The following NRG1 variants were observed in gnomAD, a reference collection of about 807,000 sequenced individuals.
The protein encoded by NRG1 is neuregulin 1.
A neutral mutation model predicts 63.8 loss-of-function variants in NRG1; 18 were observed. The ratio of observed to expected loss-of-function variants is 0.28; its 90% CI spans 0.19 to 0.42. NRG1 has a LOEUF of 0.42. Ranked by LOEUF, NRG1 falls within the 10% of genes least tolerant of loss-of-function variation. The pLI, the probability that NRG1 is intolerant of heterozygous loss-of-function variation, is 1.00. For missense variants in NRG1, 762 were observed against 814.7 expected, an observed-to-expected ratio of 0.94 and a Z score of 0.79; for synonymous variants, 302 against 301.3, an observed-to-expected ratio of 1.00 and a Z score of -0.02.
In NRG1 at chr8:32,252,801, A is replaced by T. The variant is rs989056574; in HGVS notation, c.38-343027A>T. Among the ~76,000 whole-genome samples the T allele has an allele frequency of 5.3e-5, 8 of 152,324 alleles. No individual in the cohort carries two copies. The East Asian group carries it at 1.5e-3, about 29-fold the overall frequency. On this transcript the variant is annotated intron_variant, in intron 1 of 10. Coordinates refer to the NRG1 transcript ENST00000519301. ...TACTTTGGGCAGTATGGCCATTTTC[A>T]TGATATTGATTCTTCCTATCCATGA...
intron 1 of NRG1, among the ~76,000 whole-genome samples, chr8:31,840,351 T>TTTTTTC (rs747949551): frequency 1.9e-5 from 2 of 104,934 alleles, no homozygotes; most frequent in Non-Finnish European, 4.7e-5. Context: ...TTCTCTGTCT[T>TTTTTTC]TTTTTTTTTT....
intron 1 of NRG1, among the ~76,000 whole-genome samples, chr8:32,344,322 T>TTCTC (rs749046606): frequency 7.9e-6 from 1 of 125,924 alleles, no homozygotes; most frequent in Admixed American, 8.1e-5. Context: ...TTTTCCTTCT[T>TTCTC]TCTCTTTCTT....
At chr8:32,390,031 A>G (rs1811521150) in intron 1 of NRG1, among the ~76,000 whole-genome samples, 1 of 152,106 alleles carries the variant, frequency 6.6e-6, no homozygotes, top group Non-Finnish European at 1.5e-5. Context: ...AAGTGCTGGG[A>G]TTACAGGCGT....
chr8:31,951,921 T>C (rs1803529656), intron 1 of NRG1, among the ~76,000 whole-genome samples: 1 of 152,210 alleles, frequency 6.6e-6, no homozygotes, highest in African/African-American at 2.4e-5. Flanking sequence ...AAAATGCTCT[T>C]TCACTAAGAC....
chr8:32,587,093 C>G (rs1841748181), intron 1 of NRG1, among the ~76,000 whole-genome samples: 2 of 152,022 alleles, frequency 1.3e-5, no homozygotes, highest in Admixed American at 1.3e-4. Flanking sequence ...CCTGTGGTCC[C>G]AGCTATGTGA....
Position 31,862,077 on chromosome 8 carries a change from T to C in NRG1, c.37+222646T>C, listed in dbSNP as rs186803687. On this transcript the variant is annotated intron_variant, in intron 1 of 10. Coordinates refer to the NRG1 transcript ENST00000519301. ...CTTGGGTTTGGAATGTAAACAATCT[T>C]GAAATTGTATTTGGAGAGAAGGAAA... Among the ~76,000 whole-genome samples the C allele has an allele frequency of 1.8e-3, 268 of 152,318 alleles. 1 individual carries two copies. Among genetic ancestry groups the C allele is most frequent in the African/African-American group, 6.1e-3 (253 of 41,574 alleles).
chr8:32,590,433 ACCT>A (rs958303923), intron 1 of NRG1, among the ~76,000 whole-genome samples: 1 of 152,136 alleles, frequency 6.6e-6, no homozygotes, highest in African/African-American at 2.4e-5. Context: ...TTCTCGGAAC[ACCT>A]CCTGCATTTG....
intron 1 of NRG1, among the ~76,000 whole-genome samples, chr8:32,439,166 T>C (rs1336938853): frequency 6.6e-6 from 1 of 152,228 alleles, no homozygotes; most frequent in Non-Finnish European, 1.5e-5. Flanking sequence ...CATATAAGTT[T>C]AAAAATCACA....
intron 1 of NRG1, among the ~76,000 whole-genome samples, chr8:31,939,486 TATA>T (rs1271646786): frequency 2.6e-5 from 4 of 151,234 alleles, no homozygotes; most frequent in Non-Finnish European, 5.9e-5. Flanking sequence ...ACAGTACCTA[TATA>T]ATAATAACAC....
intron 1 of NRG1, among the ~76,000 whole-genome samples, chr8:31,981,820 A>G (rs183460295): frequency 1.7e-4 from 26 of 152,080 alleles, no homozygotes; most frequent in Admixed American, 7.2e-4. Context: ...TTTAAATAAG[A>G]GCTTACAAAA....
chr8:32,544,268 T>C (rs1832847302), upstream of NRG1, among the ~76,000 whole-genome samples: 1 of 152,160 alleles, frequency 6.6e-6, no homozygotes, highest in African/African-American at 2.4e-5. Context: ...AATTTCTTAT[T>C]ACCTAAATTT....
intron 1 of NRG1, among the ~76,000 whole-genome samples, chr8:32,522,046 GC>G: frequency 6.6e-6 from 1 of 152,302 alleles, no homozygotes; most frequent in Admixed American, 6.5e-5. Context: ...CGGCTTTTCG[GC>G]GACAAATCTG....
intron 1 of NRG1, among the ~76,000 whole-genome samples, chr8:32,407,277 ATATATATATATATATAT>A (rs1303891988): frequency 6.6e-5 from 3 of 45,626 alleles, no homozygotes; most frequent in African/African-American, 2.3e-4. Context: ...TATATATATT[ATATATATATATATATAT>A]TATATATATA....
chr8:32,487,069 A>T (rs928563151), intron 1 of NRG1, among the ~76,000 whole-genome samples: 2 of 152,170 alleles, frequency 1.3e-5, no homozygotes, highest in Admixed American at 6.5e-5. Context: ...AATTAAAAAC[A>T]TATAAAGTAC....
At chr8:32,527,276 A>G (rs1830953507) in intron 1 of NRG1, among the ~76,000 whole-genome samples, 1 of 152,158 alleles carries the variant, frequency 6.6e-6, no homozygotes, top group Non-Finnish European at 1.5e-5. Flanking sequence ...AGAAAACGTA[A>G]TATATATACA....
exon 1 of NRG1, chr8:31,639,323 G>A: frequency 6.6e-7 from 1 of 1,524,126 alleles, no homozygotes; most frequent in Non-Finnish European, 8.8e-7. Context: ...GCGACAGAGA[G>A]GGAGGAGGCG....
At chr8:31,788,362 G>A (rs1427561074) in intron 1 of NRG1, among the ~76,000 whole-genome samples, 1 of 151,756 alleles carries the variant, frequency 6.6e-6, no homozygotes, top group African/African-American at 2.4e-5. Context: ...CTTTCCCCAT[G>A]GTATTATTTC....
chr8:31,755,775 G>GA (rs1816909418), intron 1 of NRG1, among the ~76,000 whole-genome samples: 1 of 152,096 alleles, frequency 6.6e-6, no homozygotes, highest in Non-Finnish European at 1.5e-5. Flanking sequence ...GAGAGAGAGA[G>GA]AATTCCTACT....
At chr8:32,076,094 C>T (rs371512833) in intron 1 of NRG1, among the ~76,000 whole-genome samples, 1 of 152,264 alleles carries the variant, frequency 6.6e-6, no homozygotes, top group East Asian at 1.9e-4. Context: ...TTTTATTCTC[C>T]CCTGTTCTTT....
Sources: gnomAD v4.1 joint callset for allele counts (sites outside exome capture counted in the v4.1 genomes callset) on GRCh38, gnomAD v4.1.1 for gene constraint, MANE v1.5 for transcripts, NCBI Gene and HGNC (gene_info 2026-07-23, HGNC 2026-07-21) for gene names.